ZRANB3: variants seen among roughly 807,000 people sequenced by gnomAD.
ZRANB3 encodes DNA annealing helicase and endonuclease ZRANB3.
In ZRANB3, 125 loss-of-function variants were observed where a neutral mutation model predicts 133.8. The observed-to-expected ratio is 0.93, with a 90% CI of 0.81 to 1.08. The LOEUF (loss-of-function observed/expected upper bound fraction) is 1.08, where lower values mean the gene tolerates loss of function less well. Ranked by LOEUF, ZRANB3 falls within the 50% of genes least tolerant of loss-of-function variation. The pLI, the probability that ZRANB3 is intolerant of heterozygous loss-of-function variation, is 0.00. For missense variants in ZRANB3, 1,229 were observed against 1,275.5 expected (o/e 0.96, Z 0.56); for synonymous variants, 387 against 432.7 (o/e 0.89, Z 1.31).
chr2:135,517,990 G>A (rs1693769797), intron 1 of ZRANB3, among the ~76,000 whole-genome samples: 1 of 152,182 alleles, frequency 6.6e-6, no homozygotes, highest in African/African-American at 2.4e-5. Flanking sequence ...ATTCTGGCTA[G>A]AGTGGCTTTG....
rs529069380 is a variant in ZRANB3, at chr2:135,322,513, C to T, written c.678-6983G>A. ...GGAGAATTGCTGGAGGCCAGGAGTT[C>T]GAGACCAGCCTGGGCAACATAGCAA... is the stretch of plus-strand genomic sequence containing the variant. On this transcript the variant is annotated intron_variant, in intron 6 of 20. Transcript: ENST00000264159. Among the ~76,000 whole-genome samples, 27 of 151,834 alleles carry T rather than the reference C, an allele frequency of 1.8e-4. 1 individual carries two copies. Among genetic ancestry groups the T allele is most frequent in the Admixed American group, 8.5e-4 (13 of 15,236 alleles).
chr2:135,272,980 A>G (rs1488026539), intron 9 of ZRANB3, among the ~76,000 whole-genome samples: 1 of 151,904 alleles, frequency 6.6e-6, no homozygotes, highest in Non-Finnish European at 1.5e-5. Flanking sequence ...TCAGGAGATC[A>G]CGACCATCCT....
chr2:135,300,075 C>T (rs1261454416), intron 8 of ZRANB3, among the ~76,000 whole-genome samples: 1 of 152,114 alleles, frequency 6.6e-6, no homozygotes, highest in Non-Finnish European at 1.5e-5. Context: ...GCCCAATGCT[C>T]TCTAACCACA....
At chr2:135,291,234 G>A (rs1036513569) in intron 8 of ZRANB3, among the ~76,000 whole-genome samples, 1 of 151,750 alleles carries the variant, frequency 6.6e-6, no homozygotes, top group Non-Finnish European at 1.5e-5. Context: ...GGTGGAGTGA[G>A]TGCAGTGGCA....
intron 1 of ZRANB3, among the ~76,000 whole-genome samples, chr2:135,521,842 G>A (rs1693954586): frequency 6.6e-6 from 1 of 152,120 alleles, no homozygotes; most frequent in African/African-American, 2.4e-5. Context: ...TTGAAGAGTG[G>A]AGTCTGCAGA....
intron 12 of ZRANB3, among the ~76,000 whole-genome samples, chr2:135,240,571 C>T (rs932880859): frequency 6.6e-6 from 1 of 152,078 alleles, no homozygotes; most frequent in Non-Finnish European, 1.5e-5. Context: ...GCTGGGCATA[C>T]GATTCTCCTT....
intron 2 of ZRANB3, among the ~76,000 whole-genome samples, chr2:135,444,822 G>A (rs1228184127): frequency 6.6e-6 from 1 of 152,132 alleles, no homozygotes; most frequent in Admixed American, 6.5e-5. Flanking sequence ...ACTGCAATAA[G>A]CTATTAAAGC....
rs560610458 is a variant in ZRANB3 at position 135,425,367 on chromosome 2, TGAGAA to T, written c.162-34552_162-34548del. 8.1e-4 allele frequency among the ~76,000 whole-genome samples: 124 copies of T among 152,282 alleles called. 1 individual carries two copies. The highest frequency in any genetic ancestry group is 2.6e-3 in the African/African-American group (110 of 41,562). On this transcript the variant is annotated intron_variant, in intron 2 of 20. Transcript: ENST00000264159. ...GAATACTTAATGTGTCTGAAAGTAT[TGAGAA>T]GAGATTTACCCAAGTAGAAGTTAGT...
intron 19 of ZRANB3, among the ~76,000 whole-genome samples, chr2:135,206,364 G>A (rs779965112): frequency 7.9e-5 from 12 of 151,574 alleles, no homozygotes; most frequent in African/African-American, 1.5e-4. Flanking sequence ...CTCAGCTCCC[G>A]AGTAGTTGGG....
intron 2 of ZRANB3, among the ~76,000 whole-genome samples, chr2:135,458,089 G>T (rs1191352781): frequency 6.6e-6 from 1 of 152,052 alleles, no homozygotes; most frequent in Non-Finnish European, 1.5e-5. Context: ...TAAAGTAGGG[G>T]TTTATACTTC....
At chr2:135,243,881 A>C (rs1398882159) in intron 12 of ZRANB3, among the ~76,000 whole-genome samples, 2 of 151,494 alleles carry the variant, frequency 1.3e-5, no homozygotes, top group African/African-American at 4.8e-5. Flanking sequence ...TAGCCTCCCA[A>C]AGTGCTGGAA....
chr2:135,223,770 C>T (rs939235076), intron 15 of ZRANB3, among the ~76,000 whole-genome samples: 4 of 152,094 alleles, frequency 2.6e-5, no homozygotes, highest in African/African-American at 9.7e-5. Context: ...AAAGTTTGGG[C>T]ACTACTAAGC....
intron 2 of ZRANB3, among the ~76,000 whole-genome samples, chr2:135,444,403 T>C (rs1689925694): frequency 6.6e-6 from 1 of 152,156 alleles, no homozygotes; most frequent in African/African-American, 2.4e-5. Flanking sequence ...AAACAAAATG[T>C]AGTTTACCCA....
At chr2:135,507,516 T>G (rs911722281) in intron 1 of ZRANB3, among the ~76,000 whole-genome samples, 1 of 152,166 alleles carries the variant, frequency 6.6e-6, no homozygotes, top group Non-Finnish European at 1.5e-5. Flanking sequence ...ATGTCCACTT[T>G]CCAGAAGTAA....
chr2:135,273,183 CAA>C (rs1330250618), intron 9 of ZRANB3, among the ~76,000 whole-genome samples: 2 of 78,990 alleles, frequency 2.5e-5, no homozygotes, highest in African/African-American at 9.6e-5. Flanking sequence ...GAGACTGTCT[CAA>C]AAAAAAAAAA....
intron 20 of ZRANB3, 22 bp from the exon 21 acceptor site, chr2:135,200,462 T>G: frequency 6.4e-7 from 1 of 1,555,400 alleles, no homozygotes; most frequent in Non-Finnish European, 8.8e-7. Context: ...AAAATATGCA[T>G]GTGTACACGT....
intron 14 of ZRANB3, among the ~76,000 whole-genome samples, chr2:135,224,836 G>A (rs1694696373): frequency 6.6e-6 from 1 of 152,122 alleles, no homozygotes; most frequent in African/African-American, 2.4e-5. Context: ...TATTGGTCTT[G>A]AAAAAATTTA....
chr2:135,483,164 A>T (rs1490027768), intron 2 of ZRANB3, among the ~76,000 whole-genome samples: 1 of 151,318 alleles, frequency 6.6e-6, no homozygotes, highest in Non-Finnish European at 1.5e-5. Context: ...CTCTTTTTCT[A>T]TTGATTGGAA....
At chr2:135,354,376 A>T (rs932373953) in intron 3 of ZRANB3, among the ~76,000 whole-genome samples, 5 of 152,196 alleles carry the variant, frequency 3.3e-5, no homozygotes, top group African/African-American at 4.8e-5. Flanking sequence ...CAAAACTCGT[A>T]TGAGATCCCA....
Sources: allele counts gnomAD v4.1 joint callset (sites outside exome capture counted in the v4.1 genomes callset), GRCh38; gene constraint gnomAD v4.1.1; transcripts MANE v1.5; gene names NCBI Gene and HGNC (gene_info 2026-07-23, HGNC 2026-07-21).